Variants in DNMBP observed in about 807,000 individuals in gnomAD.
DNMBP encodes dynamin-binding protein.
In DNMBP, 87 loss-of-function variants were observed where a neutral mutation model predicts 150.0. The observed-to-expected ratio is 0.58, with a 90% CI of 0.49 to 0.69. The LOEUF is 0.69. Among genes scored for constraint, DNMBP ranks in the 30% least tolerant of loss-of-function variants. The pLI, the probability that DNMBP is intolerant of heterozygous loss-of-function variation, is 0.00. For missense variants in DNMBP, 1,774 were observed against 1,949.0 expected, an observed-to-expected ratio of 0.91 and a Z score of 1.69; for synonymous variants, 711 against 750.4, an observed-to-expected ratio of 0.95 and a Z score of 0.86.
At position 99,906,686 on chromosome 10, in the gene DNMBP, C is replaced by T. The variant is rs140417465; in HGVS notation, c.2554+1309G>A. 2.0e-4 allele frequency among the ~76,000 whole-genome samples: 31 copies of T among 152,150 alleles called. 1 individual carries two copies. The East Asian group carries it at 5.4e-3, about 27-fold the overall frequency. ...AGAGGCTCACGTGGCAAGAAACTGA[C>T]GCCTGAAGAACTGAGTGAGCTTTCT... On this transcript the variant is annotated intron_variant, in intron 6 of 16. Transcript: ENST00000324109.
At position 99,895,035 on chromosome 10, in the gene DNMBP, A is replaced by G; in HGVS notation, c.3067T>C (p.Phe1023Leu). ...CGGAAGTTTTTTTCTGTTTCTTCAAATACTTCATCTTTTATCTGTTCAAAA... is the reference window on the plus strand; with the variant it reads ...CGGAAGTTTTTTTCTGTTTCTTCAAGTACTTCATCTTTTATCTGTTCAAAA... Reference protein sequence around the residue: ...GFAPQIKDEVFEETEKNFRMQ... With the variant: ...GFAPQIKDEVLEETEKNFRMQ... The change falls in exon 11 of 17, where the codon TTT (phenylalanine) becomes CTT (leucine). Residue 1023 changes from phenylalanine (F) to leucine (L), a missense_variant. Coordinates refer to ENST00000324109, the MANE Select transcript of DNMBP (RefSeq NM_015221.4). 1 of 1,606,898 alleles carries G rather than the reference A, an allele frequency of 6.2e-7. No individual in the cohort carries two copies. Among genetic ancestry groups the G allele is most frequent in the Non-Finnish European group, 8.5e-7 (1 of 1,174,386 alleles).
chr10:99,974,433 G>C (rs2040707648), intron 1 of DNMBP, among the ~76,000 whole-genome samples: 1 of 152,192 alleles, frequency 6.6e-6, no homozygotes, highest in African/African-American at 2.4e-5. Context: ...CTTGATGACA[G>C]CTACATTTCT....
chr10:99,998,181 G>C (rs1279648845), intron 1 of DNMBP, among the ~76,000 whole-genome samples: 3 of 150,186 alleles, frequency 2.0e-5, no homozygotes, highest in African/African-American at 7.4e-5. Flanking sequence ...GTTGCAATGA[G>C]CAGTGATCGC....
chr10:99,950,976 C>T (rs575646300), intron 4 of DNMBP, among the ~76,000 whole-genome samples: 180 of 152,362 alleles, frequency 1.2e-3, no homozygotes, highest in African/African-American at 4.2e-3. Context: ...ACGGCAACTG[C>T]ACCCATCACA....
At chr10:99,888,335 T>G (rs1285795871) in intron 12 of DNMBP, among the ~76,000 whole-genome samples, 1 of 151,984 alleles carries the variant, frequency 6.6e-6, no homozygotes, top group Non-Finnish European at 1.5e-5. Context: ...CTCGGCCTCC[T>G]GAGTACCTGG....
chr10:99,999,502 C>T (rs2040987923), intron 1 of DNMBP, among the ~76,000 whole-genome samples: 2 of 152,186 alleles, frequency 1.3e-5, no homozygotes, highest in Non-Finnish European at 1.5e-5. Context: ...ACCTTATCCG[C>T]GGTTTCACTT....
rs115917451 is a variant in DNMBP at position 100,003,712 on chromosome 10, C to A, written c.-11+6126G>T. On this transcript the variant is annotated intron_variant, in intron 1 of 16. Transcript: ENST00000324109. ...TCTATTAAAACAACAACAACAACAA[C>A]AAAAAACTTATAAAAATATTTAGCT... is the stretch of plus-strand genomic sequence containing the variant. Among the ~76,000 whole-genome samples the A allele has an allele frequency of 8.9e-3, 1,354 of 151,958 alleles. 32 individuals carry two copies. The highest frequency in any genetic ancestry group is 0.03 in the African/African-American group (1,244 of 41,458).
chr10:99,993,884 G>A (rs1020761459), intron 1 of DNMBP, among the ~76,000 whole-genome samples: 3 of 152,014 alleles, frequency 2.0e-5, no homozygotes, highest in Non-Finnish European at 4.4e-5. Flanking sequence ...AATTTAAATA[G>A]CTTCCCTATT....
At position 99,899,980 on chromosome 10, in the gene DNMBP, C is replaced by G. The variant is rs1187083008; in HGVS notation, c.2641G>C (p.Glu881Gln). 6.2e-7 allele frequency: 1 copy of G among 1,614,142 alleles called. No homozygotes were observed. The highest frequency in any genetic ancestry group is 8.5e-7 in the Non-Finnish European group (1 of 1,180,038). ...QNHDEAIALLEIYEKDEKIQK... is the reference protein window; with the variant it reads ...QNHDEAIALLQIYEKDEKIQK... ...ATCTTCTCATCCTTCTCGTAGATTT[C>G]AAGCAGCGCAATGGCCTCATCATGA... Residue 881 changes from glutamate to glutamine, a missense_variant, in exon 7 of 17, where the codon GAA becomes CAA. Around this residue, in one of 2 missense-constraint regions of DNMBP, gnomAD observed 1,430 missense variants for 1,492.5 expected, o/e 0.96. Transcript: ENST00000324109.
intron 11 of DNMBP, among the ~76,000 whole-genome samples, chr10:99,891,597 C>T (rs987012640): frequency 1.6e-4 from 25 of 151,756 alleles, no homozygotes; most frequent in Non-Finnish European, 2.5e-4. Context: ...GCCGCCACCC[C>T]GTCTGGGAAG....
At chr10:99,909,962 C>T (rs1264578547) in intron 4 of DNMBP, among the ~76,000 whole-genome samples, 1 of 152,208 alleles carries the variant, frequency 6.6e-6, no homozygotes, top group Non-Finnish European at 1.5e-5. Context: ...AAACATGGAA[C>T]AGCGTTTGTT....
intron 1 of DNMBP, among the ~76,000 whole-genome samples, chr10:99,987,711 G>A (rs901584957): frequency 1.3e-5 from 2 of 151,500 alleles, no homozygotes; most frequent in Non-Finnish European, 2.9e-5. Context: ...CTCCTGCCTT[G>A]GCAACAGAGT....
At position 99,879,084 on chromosome 10, in the gene DNMBP, C is replaced by CAAA. The variant is rs71009780; in HGVS notation, c.4548+724_4548+726dup. Among the ~76,000 whole-genome samples, 84 of 62,398 alleles carry CAAA rather than the reference C, an allele frequency of 1.3e-3. 5 individuals are homozygous for CAAA. The highest frequency in any genetic ancestry group is 6.3e-3 in the African/African-American group (77 of 12,222). The allele number at this position is 62,398 out of a possible 152,430, so 40.9% of individuals were successfully genotyped here. ...TGGGCGACAGAGCAAGACTCTGTCT[C>CAAA]AAAAAAAAAAAAAAAAACCCAAAAC... On this transcript the variant is annotated intron_variant, in intron 16 of 16. Coordinates refer to ENST00000324109, the MANE Select transcript of DNMBP (RefSeq NM_015221.4).
At chr10:99,971,873 T>TTG (rs376655202) in intron 2 of DNMBP, 107 bp downstream of exon 2, 2 of 939,076 alleles carry the variant, frequency 2.1e-6, no homozygotes, top group Non-Finnish European at 1.6e-6. Context: ...TTTTTTTTTT[T>TTG]AAGACAGGGT....
chr10:99,881,261 A>G (rs1319859069), intron 15 of DNMBP, among the ~76,000 whole-genome samples: 3 of 152,060 alleles, frequency 2.0e-5, no homozygotes, highest in African/African-American at 7.2e-5. Flanking sequence ...AAGCCCCTCC[A>G]TAGACCTCCC....
chr10:99,950,703 T>C (rs940164095), intron 4 of DNMBP, among the ~76,000 whole-genome samples: 13 of 152,154 alleles, frequency 8.5e-5, no homozygotes, highest in African/African-American at 3.1e-4. Flanking sequence ...TTGAGAGAGA[T>C]GATTTAGGGT....
chr10:99,977,786 T>C (rs2133361912), intron 1 of DNMBP, among the ~76,000 whole-genome samples: 1 of 152,296 alleles, frequency 6.6e-6, no homozygotes, highest in African/African-American at 2.4e-5. Flanking sequence ...AAAATTTTTT[T>C]CCAATAATCC....
rs375164133 is a variant in DNMBP, at chr10:99,898,133, T to C, written c.2873A>G (p.Lys958Arg). The change falls in exon 9 of 17, where the codon AAG (lysine) becomes AGG (arginine). Residue 958 changes from lysine to arginine, a missense_variant. This residue lies in a region of DNMBP where 1,430 missense variants were observed against 1,492.5 expected (regional missense o/e 0.96). Transcript: ENST00000324109. The stretch of plus-strand genomic sequence containing the variant: ...TTCATTAATGTTAACGTTGATTTCC[T>C]TGACCGCAAGGACTGCATTGGTTAA... ...VPLTNAVLAV[K>R]EINVNINEYK... 4.3e-5 allele frequency: 70 copies of C among 1,614,032 alleles called. No homozygotes were observed. The highest frequency in any genetic ancestry group is 5.8e-5 in the Non-Finnish European group (69 of 1,180,036).
chr10:99,908,211 CTCACTTTCAT>C, intron 5 of DNMBP, 117 bp from the exon 6 acceptor site: 1 of 709,134 alleles, frequency 1.4e-6, no homozygotes, highest in South Asian at 1.7e-5. Context: ...ACTTTCTTCA[CTCACTTTCAT>C]GAAGTTTCCA....
Sources: allele counts gnomAD v4.1 joint callset (sites outside exome capture counted in the v4.1 genomes callset), GRCh38; gene constraint gnomAD v4.1.1; regional missense constraint gnomAD v4.1.1; transcripts MANE v1.5; gene names NCBI Gene and HGNC (gene_info 2026-07-23, HGNC 2026-07-21).